The following SETBP1 variants were observed in gnomAD, a reference collection of about 807,000 sequenced individuals.
SETBP1 encodes SET binding protein 1, also known as SET-binding protein.
SETBP1 carries 9 observed loss-of-function variants against 101.0 expected under a neutral mutation model. The ratio of observed to expected loss-of-function variants is 0.09; its 90% CI spans 0.05 to 0.16. The LOEUF is 0.16. Ranked by LOEUF, SETBP1 falls within the 10% of genes least tolerant of loss-of-function variation. The pLI, the probability that SETBP1 is intolerant of heterozygous loss-of-function variation, is 1.00. For synonymous variants in SETBP1, 818 were observed against 788.5 expected (o/e 1.04, Z -0.63); for missense variants, 1,858 against 2,033.8 (o/e 0.91, Z 1.66).
At chr18:45,050,974 T>C (rs888507403) in intron 5 of SETBP1, among the ~76,000 whole-genome samples, 4 of 152,218 alleles carry the variant, frequency 2.6e-5, no homozygotes, top group Admixed American at 6.5e-5. Context: ...GGTCTTTGTC[T>C]TATACAAGTT....
chr18:44,854,792 C>T (rs1483387031), intron 2 of SETBP1, among the ~76,000 whole-genome samples: 1 of 152,098 alleles, frequency 6.6e-6, no homozygotes, highest in African/African-American at 2.4e-5. Context: ...TCCATATTAC[C>T]CCCCATATCT....
chr18:44,772,621 C>G (rs754841619), intron 2 of SETBP1, among the ~76,000 whole-genome samples: 5 of 152,124 alleles, frequency 3.3e-5, no homozygotes, highest in Admixed American at 6.5e-5. Context: ...GGTCATCCTC[C>G]CAAGTAATTA....
At chr18:44,728,046 T>G (rs2069755021) in intron 2 of SETBP1, among the ~76,000 whole-genome samples, 2 of 152,228 alleles carry the variant, frequency 1.3e-5, no homozygotes, top group South Asian at 4.1e-4. Context: ...GAAGAATTAA[T>G]GAAGGCTATC....
intron 2 of SETBP1, among the ~76,000 whole-genome samples, chr18:44,835,870 G>C (rs996589568): frequency 1.3e-4 from 20 of 152,182 alleles, no homozygotes; most frequent in African/African-American, 4.6e-4. Context: ...AGGCCTGAGG[G>C]CAAAAACTCC....
intron 3 of SETBP1, among the ~76,000 whole-genome samples, chr18:44,941,706 T>G (rs964765862): frequency 5.9e-5 from 9 of 152,132 alleles, no homozygotes; most frequent in African/African-American, 2.2e-4. Context: ...TTTCTCTTCA[T>G]GTTTACTCAA....
intron 4 of SETBP1, among the ~76,000 whole-genome samples, chr18:44,962,140 C>T (rs2071625370): frequency 6.6e-6 from 1 of 152,162 alleles, no homozygotes; most frequent in Non-Finnish European, 1.5e-5. Flanking sequence ...AAATGCAGAC[C>T]AAGTTTAATC....
intron 3 of SETBP1, among the ~76,000 whole-genome samples, chr18:44,898,263 C>A (rs2069955578): frequency 6.6e-6 from 1 of 152,084 alleles, no homozygotes; most frequent in Non-Finnish European, 1.5e-5. Flanking sequence ...TATTAAGCAC[C>A]AATGGGTTTC....
intron 4 of SETBP1, among the ~76,000 whole-genome samples, chr18:45,036,130 G>A (rs1200078783): frequency 1.3e-5 from 2 of 152,010 alleles, no homozygotes; most frequent in African/African-American, 4.8e-5. Flanking sequence ...TCAGGAGATC[G>A]AGACCATCCT....
At chr18:44,871,833 G>A (rs1198565597) in intron 3 of SETBP1, 1 of 152,176 alleles carries the variant, frequency 6.6e-6, no homozygotes, top group African/African-American at 2.4e-5. Flanking sequence ...GTTTTAGCAG[G>A]TGGTGATCTC....
intron 2 of SETBP1, among the ~76,000 whole-genome samples, chr18:44,773,187 G>A (rs1248490802): frequency 1.3e-5 from 2 of 152,198 alleles, no homozygotes; most frequent in Non-Finnish European, 2.9e-5. Flanking sequence ...ACAGTCCATA[G>A]AGGAAGCATA....
intron 3 of SETBP1, among the ~76,000 whole-genome samples, chr18:44,933,775 T>A (rs1413932510): frequency 1.3e-5 from 2 of 152,212 alleles, no homozygotes; most frequent in Non-Finnish European, 2.9e-5. Flanking sequence ...TCTCCTGGTG[T>A]GCCATTTGCT....
chr18:44,868,914 T>G (rs1489275508), intron 2 of SETBP1, among the ~76,000 whole-genome samples: 2 of 152,172 alleles, frequency 1.3e-5, no homozygotes, highest in Admixed American at 6.5e-5. Flanking sequence ...ACTTACAATT[T>G]CAGGGAGCCA....
At chr18:44,777,356 A>G (rs573179114) in intron 2 of SETBP1, among the ~76,000 whole-genome samples, 151 of 152,328 alleles carry the variant, frequency 9.9e-4, no homozygotes, top group African/African-American at 3.5e-3. Flanking sequence ...TTATACACTC[A>G]ACTCAGTCTT....
chr18:44,790,693 G>A (rs960281322), intron 2 of SETBP1, among the ~76,000 whole-genome samples: 7 of 152,166 alleles, frequency 4.6e-5, no homozygotes, highest in African/African-American at 1.7e-4. Context: ...AAATGCCTTG[G>A]TCTGACCCCC....
chr18:44,813,129 A>G (rs1599162665), intron 2 of SETBP1, among the ~76,000 whole-genome samples: 1 of 152,194 alleles, frequency 6.6e-6, no homozygotes, highest in African/African-American at 2.4e-5. Context: ...TTTGTCCACA[A>G]GTGTTTCTCT....
chr18:44,881,840 T>G (rs2144739970), intron 3 of SETBP1, among the ~76,000 whole-genome samples: 1 of 152,328 alleles, frequency 6.6e-6, no homozygotes, highest in East Asian at 1.9e-4. Context: ...GTGGTTCTAG[T>G]AAATGTGACA....
intron 3 of SETBP1, among the ~76,000 whole-genome samples, chr18:44,893,865 ATCTC>A (rs544889830): frequency 1.9e-3 from 291 of 152,246 alleles, no homozygotes; most frequent in African/African-American, 6.6e-3. Context: ...TGAAAAGTGT[ATCTC>A]TTATCTCTCT....
intron 2 of SETBP1, among the ~76,000 whole-genome samples, chr18:44,766,255 G>A (rs1358352649): frequency 1.3e-5 from 2 of 152,238 alleles, no homozygotes; most frequent in Admixed American, 6.5e-5. Context: ...AACGGGTCAT[G>A]GGGCTTGGCT....
Position 44,950,588 on chromosome 18 carries a change from T to C in SETBP1, c.1248T>C (p.His416=), listed in dbSNP as rs144249054. Residue 416 remains histidine (H), a synonymous_variant, in exon 4 of 6, where the codon CAT becomes CAC. Transcript: ENST00000649279. ...CACCCTCTCTGGATCCAACCAACCA[T>C]AAGAGGAAAAAAAGACAGTCCATTA... ...IKAPSLDPTN[H]KRKKRQSIKA... The C allele has an allele frequency of 4.3e-4, 689 of 1,613,802 alleles. 3 individuals carry two copies. In the African/African-American group the frequency reaches 8.0e-3, roughly 19 times the overall value.
Sources: allele counts gnomAD v4.1 joint callset (sites outside exome capture counted in the v4.1 genomes callset), GRCh38; gene constraint gnomAD v4.1.1; transcripts MANE v1.5; gene names NCBI Gene and HGNC (gene_info 2026-07-23, HGNC 2026-07-21).